Variants in CSMD1 observed in about 807,000 individuals in gnomAD.
CSMD1 encodes CUB and sushi domain-containing protein 1.
CSMD1 carries 213 observed loss-of-function variants against 417.5 expected under a neutral mutation model. That is an observed-to-expected ratio of 0.51 (90% CI 0.46 to 0.57). The LOEUF (loss-of-function observed/expected upper bound fraction) is 0.57. CSMD1 is among the 20% of genes least tolerant of loss of function. CSMD1 has a pLI of 0.00. For missense variants in CSMD1, 6,923 were observed against 4,529.7 expected (o/e 1.53, Z -15.17); for synonymous variants, 2,862 against 1,736.8 (o/e 1.65, Z -16.11).
At chr8:4,425,165 G>C (rs904249989) in intron 2 of CSMD1, among the ~76,000 whole-genome samples, 5 of 151,872 alleles carry the variant, frequency 3.3e-5, no homozygotes, top group Non-Finnish European at 7.4e-5. Flanking sequence ...AAATTATTAA[G>C]TTTTATAAAA....
chr8:4,063,430 T>A (rs942493544), intron 3 of CSMD1, among the ~76,000 whole-genome samples: 1 of 152,330 alleles, frequency 6.6e-6, no homozygotes, highest in East Asian at 1.9e-4. Flanking sequence ...GATTATTAAA[T>A]GAATACAATG....
At chr8:4,614,063 G>C (rs1801339652) in intron 2 of CSMD1, among the ~76,000 whole-genome samples, 1 of 152,044 alleles carries the variant, frequency 6.6e-6, no homozygotes, top group Non-Finnish European at 1.5e-5. Flanking sequence ...AAGCAATATA[G>C]AGCCAAGATT....
chr8:4,183,744 T>C (rs1325988790), intron 3 of CSMD1, among the ~76,000 whole-genome samples: 4 of 152,232 alleles, frequency 2.6e-5, no homozygotes, highest in African/African-American at 9.6e-5. Context: ...AAAAGATTAG[T>C]GAAGCAATAT....
At chr8:4,966,849 T>A (rs1809895267) in intron 1 of CSMD1, among the ~76,000 whole-genome samples, 1 of 152,162 alleles carries the variant, frequency 6.6e-6, no homozygotes, top group South Asian at 2.1e-4. Context: ...TTACTGAAGT[T>A]AATTATGTAA....
intron 5 of CSMD1, among the ~76,000 whole-genome samples, chr8:3,892,769 C>T (rs112621230): frequency 7.0e-5 from 10 of 142,766 alleles, no homozygotes; most frequent in African/African-American, 2.3e-4. Flanking sequence ...TATTGCTAGC[C>T]ATCGTAGGAC....
intron 1 of CSMD1, among the ~76,000 whole-genome samples, chr8:4,878,200 C>T (rs1803169417): frequency 6.6e-6 from 1 of 151,796 alleles, no homozygotes; most frequent in East Asian, 1.9e-4. Context: ...TAAAATCACT[C>T]ACAAGAAAAG....
intron 10 of CSMD1, among the ~76,000 whole-genome samples, chr8:3,544,192 T>G (rs1176819515): frequency 6.6e-6 from 1 of 152,066 alleles, no homozygotes; most frequent in East Asian, 1.9e-4. Flanking sequence ...GGTTCATGGT[T>G]AAGGGAAGAG....
intron 26 of CSMD1, among the ~76,000 whole-genome samples, chr8:3,252,295 C>G (rs1800331432): frequency 1.3e-5 from 2 of 152,108 alleles, no homozygotes; most frequent in South Asian, 2.1e-4. Flanking sequence ...TTGTCAAAGG[C>G]CATTTCTGCA....
At chr8:4,574,983 G>A (rs1012295096) in intron 2 of CSMD1, among the ~76,000 whole-genome samples, 5 of 152,102 alleles carry the variant, frequency 3.3e-5, no homozygotes, top group African/African-American at 9.7e-5. Flanking sequence ...GGTGAAATTC[G>A]GTTTTAATAT....
At chr8:4,805,753 A>G (rs985944990) in intron 1 of CSMD1, among the ~76,000 whole-genome samples, 1 of 152,218 alleles carries the variant, frequency 6.6e-6, no homozygotes, top group Admixed American at 6.5e-5. Context: ...ACCCTGTCAT[A>G]TTCCATTAAT....
chr8:4,625,518 C>T (rs975438586), intron 2 of CSMD1, among the ~76,000 whole-genome samples: 1 of 151,910 alleles, frequency 6.6e-6, no homozygotes, highest in Non-Finnish European at 1.5e-5. Flanking sequence ...TGTTCCACTT[C>T]CTCCCTACCT....
chr8:3,261,555 A>G (rs1430366105), intron 26 of CSMD1, among the ~76,000 whole-genome samples: 1 of 152,186 alleles, frequency 6.6e-6, no homozygotes, highest in Non-Finnish European at 1.5e-5. Flanking sequence ...GTGAATGTTC[A>G]TCACAGCTGT....
chr8:4,511,384 T>A (rs1181499420), intron 2 of CSMD1, among the ~76,000 whole-genome samples: 1 of 152,148 alleles, frequency 6.6e-6, no homozygotes, highest in African/African-American at 2.4e-5. Context: ...AGAATACAAA[T>A]CAGGATTCTT....
At position 4,756,058 on chromosome 8, in the gene CSMD1, C is replaced by T. The variant is rs535973188; in HGVS notation, c.86-118500G>A. ...ACAAATACAAATGCTAAATCTCCAA[C>T]CTTTTTAAAACAAAGACCTTTATTC... On this transcript the variant is annotated intron_variant, in intron 1 of 69. Transcript: ENST00000635120. Among the ~76,000 whole-genome samples the T allele has an allele frequency of 1.7e-4, 26 of 152,310 alleles. No homozygotes were observed. In the South Asian group the frequency reaches 4.3e-3, roughly 25 times the overall value.
chr8:4,638,823 T>A (rs1420957798), intron 1 of CSMD1, among the ~76,000 whole-genome samples: 1 of 152,172 alleles, frequency 6.6e-6, no homozygotes, highest in Non-Finnish European at 1.5e-5. Context: ...AAAGCCACCT[T>A]GAAGCCACTG....
intron 3 of CSMD1, among the ~76,000 whole-genome samples, chr8:4,279,900 T>A (rs62478563): frequency 0.1 from 15,580 of 152,218 alleles, 999 homozygotes; most frequent in Non-Finnish European, 0.15. Flanking sequence ...CAAAAGCTTG[T>A]GTTCTATACA....
At chr8:3,775,619 G>C (rs775667069) in intron 5 of CSMD1, among the ~76,000 whole-genome samples, 5 of 152,152 alleles carry the variant, frequency 3.3e-5, no homozygotes, top group African/African-American at 4.8e-5. Flanking sequence ...TAAATTGTTG[G>C]GACTCATGTG....
intron 54 of CSMD1, among the ~76,000 whole-genome samples, chr8:2,985,328 CTG>C (rs199811408): frequency 2.3e-4 from 34 of 149,724 alleles, no homozygotes; most frequent in Admixed American, 3.3e-4. Context: ...AGGGAGGAGA[CTG>C]TGGTGTGATA....
chr8:3,351,623 AGAAAG>A (rs1808430885), intron 21 of CSMD1, among the ~76,000 whole-genome samples: 1 of 150,248 alleles, frequency 6.7e-6, no homozygotes, highest in African/African-American at 2.4e-5. Context: ...AGAAAAGAAA[AGAAAG>A]GAAAGTATAC....
Sources: allele counts gnomAD v4.1 joint callset (sites outside exome capture counted in the v4.1 genomes callset), GRCh38; gene constraint gnomAD v4.1.1; transcripts MANE v1.5; gene names NCBI Gene and HGNC (gene_info 2026-07-23, HGNC 2026-07-21).